ACAT1: variants seen among roughly 807,000 people sequenced by gnomAD.
ACAT1 encodes the protein acetyl-CoA acetyltransferase 1.
ACAT1 carries 28 observed loss-of-function variants against 47.3 expected under a neutral mutation model. That is an observed-to-expected ratio of 0.59 (90% CI 0.44 to 0.81). The LOEUF (loss-of-function observed/expected upper bound fraction) is 0.81. ACAT1 is among the 30% of genes least tolerant of loss of function. ACAT1 has a pLI of 0.00. For missense variants in ACAT1, 469 were observed against 524.3 expected (o/e 0.89, Z 1.03); for synonymous variants, 181 against 173.6 (o/e 1.04, Z -0.34).
chr11:108,129,084 T>C (rs901861830), intron 1 of ACAT1: 2 of 152,182 alleles, frequency 1.3e-5, no homozygotes, highest in African/African-American at 4.8e-5. Context: ...ATCATTCTTA[T>C]GCCTTTGTGT....
intron 1 of ACAT1, chr11:108,129,040 C>G (rs1056153365): frequency 1.3e-5 from 2 of 152,190 alleles, no homozygotes; most frequent in South Asian, 2.1e-4. Context: ...ACCCCCACCC[C>G]CCGCCTTTCC....
chr11:108,138,918 G>C lies in ACAT1; in HGVS notation c.456G>C (p.Gly152=), dbSNP rs2077524676. The C allele has an allele frequency of 6.2e-7, 1 of 1,614,154 alleles. No homozygotes were observed. The highest frequency in any genetic ancestry group is 8.5e-7 in the Non-Finnish European group (1 of 1,180,018). The change falls in exon 6 of 12, where the codon GGG becomes GGC. Residue 152 remains glycine, a synonymous_variant. Coordinates refer to ENST00000265838, the MANE Select transcript of ACAT1 (RefSeq NM_000019.4). ...CGHQDVMVAG[G]MESMSNVPYV... ...CGCAGGATGTGATGGTGGCAGGTGG[G>C]ATGGAGAGCATGTCCAATGTTCCAT... is the stretch of plus-strand genomic sequence containing the variant.
In ACAT1 at chr11:108,147,308, C is replaced by T. The variant is rs764599801; in HGVS notation, c.1202C>T (p.Ala401Val). The T allele has an allele frequency of 3.7e-6, 6 of 1,613,688 alleles. No individual in the cohort carries two copies. The highest frequency in any genetic ancestry group is 1.1e-5 in the South Asian group (1 of 91,078). Residue 401 changes from alanine (A) to valine (V), a missense_variant, in exon 12 of 12, where the codon GCC (alanine) becomes GTC (valine). Transcript: ENST00000265838. ...AGGATTGTTGGTCATTTGACTCATG[C>T]CTTGAAGCAAGGAGAATACGGTCTT... The part of the protein sequence containing the change: ...GARIVGHLTH[A>V]LKQGEYGLAS...
chr11:108,142,872 T>C (rs1260861578), intron 9 of ACAT1: 2 of 282,250 alleles, frequency 7.1e-6, no homozygotes, highest in South Asian at 4.2e-5. Context: ...CTATAAGCTC[T>C]TCATGAAATT....
chr11:108,124,460 AC>A (rs1224979339), intron 1 of ACAT1, among the ~76,000 whole-genome samples: 2 of 151,780 alleles, frequency 1.3e-5, no homozygotes. Flanking sequence ...ACGGGCTTTC[AC>A]CATGTTGGTC....
intron 7 of ACAT1, among the ~76,000 whole-genome samples, chr11:108,141,059 C>T (rs1258715505): frequency 1.3e-5 from 2 of 151,646 alleles, no homozygotes; most frequent in African/African-American, 2.4e-5. Context: ...GACTTGGCCT[C>T]CACACAAAAA....
Position 108,147,405 on chromosome 11 carries a change from T to C in ACAT1, c.*15T>C. 6.2e-7 allele frequency: 1 copy of C among 1,613,126 alleles called. No individual in the cohort carries two copies. The highest frequency in any genetic ancestry group is 8.5e-7 in the Non-Finnish European group (1 of 1,179,572). On this transcript the variant is annotated 3_prime_UTR_variant, in exon 12 of 12. Transcript: ENST00000265838. ...AGAAGCTGTAGACAACCTCTGCTAT[T>C]TAAGGAGACAACCCTATGTGACCAG...
intron 2 of ACAT1, 109 bp downstream of exon 2, chr11:108,132,063 T>A: frequency 1.4e-6 from 1 of 692,226 alleles, no homozygotes; most frequent in Non-Finnish European, 2.6e-6. Context: ...CAGGATTATG[T>A]AACAGTTAGG....
chr11:108,146,302 T>C lies in ACAT1; in HGVS notation c.1106T>C (p.Ile369Thr), dbSNP rs749931948. 1.2e-6 allele frequency: 2 copies of C among 1,614,068 alleles called. No individual in the cohort carries two copies. The highest frequency in any genetic ancestry group is 1.1e-5 in the South Asian group (1 of 91,082). ...CTAGCAAACATTAAAATGTTGGAGATTGATCCCCAAAAAGTGAATATCAAT... is the reference window on the plus strand; with the variant it reads ...CTAGCAAACATTAAAATGTTGGAGACTGATCCCCAAAAAGTGAATATCAAT... ...VVLANIKMLE[I>T]DPQKVNINGG... The change falls in exon 11 of 12, where the codon ATT becomes ACT. Residue 369 changes from isoleucine to threonine, a missense_variant. Ile to Thr is a moderately conservative substitution (Grantham distance 89). Transcript: ENST00000265838.
intron 6 of ACAT1, 26 bp downstream of exon 6, chr11:108,139,067 T>A: frequency 1.2e-6 from 2 of 1,613,106 alleles, no homozygotes; most frequent in South Asian, 2.2e-5. Flanking sequence ...AGTGGATAAA[T>A]GCTATCTAAT....
chr11:108,137,200 AG>A lies in ACAT1; in HGVS notation c.436-1697del, dbSNP rs146190301. ...AAATAAATGGTCAAGGCAGACATGA[AG>A]TAGTGTTCTGATTAGTTTTAAGAGA... On this transcript the variant is annotated intron_variant, in intron 5 of 11. Coordinates refer to ENST00000265838, the MANE Select transcript of ACAT1 (RefSeq NM_000019.4). Among the ~76,000 whole-genome samples, 910 of 152,326 alleles carry A rather than the reference AG, an allele frequency of 6.0e-3. 8 individuals carry two copies. The highest frequency in any genetic ancestry group is 0.019 in the African/African-American group (807 of 41,566).
At chr11:108,135,363 C>T (rs2077449385) in intron 5 of ACAT1, 121 bp downstream of exon 5, 2 of 761,354 alleles carry the variant, frequency 2.6e-6, no homozygotes, top group African/African-American at 1.7e-5. Context: ...AGTATGTTTT[C>T]TCACATGCTC....
intron 1 of ACAT1, among the ~76,000 whole-genome samples, chr11:108,125,052 T>C (rs1168515236): frequency 1.3e-5 from 2 of 152,248 alleles, no homozygotes; most frequent in African/African-American, 4.8e-5. Flanking sequence ...ACTTTCAGAC[T>C]GTCTTCAAAT....
chr11:108,126,209 G>T (rs563789706), intron 1 of ACAT1, among the ~76,000 whole-genome samples: 71 of 152,184 alleles, frequency 4.7e-4, no homozygotes, highest in Non-Finnish European at 8.5e-4. Flanking sequence ...CACCATGTTG[G>T]CCAGGCTGGT....
intron 5 of ACAT1, chr11:108,138,696 C>G (rs1014511149): frequency 3.5e-5 from 22 of 623,292 alleles, no homozygotes; most frequent in Non-Finnish European, 5.9e-5. Context: ...TGCACCCAGC[C>G]AACTTATTTC....
rs547294480 is a variant in ACAT1, at chr11:108,124,303, G to A, written c.72+2625G>A. The stretch of plus-strand genomic sequence containing the variant: ...TTTGAGATCAAGTTTCGCTCTTGTT[G>A]CCCAGGCTGGAGTGCAGTGGCACGA... On this transcript the variant is annotated intron_variant, in intron 1 of 11. Coordinates refer to ENST00000265838, the MANE Select transcript of ACAT1 (RefSeq NM_000019.4). 2.0e-3 allele frequency among the ~76,000 whole-genome samples: 299 copies of A among 152,152 alleles called. 1 individual carries two copies. The highest frequency in any genetic ancestry group is 3.0e-3 in the Non-Finnish European group (202 of 67,996).
intron 1 of ACAT1, among the ~76,000 whole-genome samples, chr11:108,131,470 G>C (rs905597283): frequency 4.7e-5 from 7 of 148,298 alleles, no homozygotes; most frequent in Non-Finnish European, 7.4e-5. Flanking sequence ...TCCTGCCTCA[G>C]CCTCTGAAGT....
chr11:108,137,596 T>C (rs1441527656), intron 5 of ACAT1, among the ~76,000 whole-genome samples: 2 of 152,166 alleles, frequency 1.3e-5, no homozygotes, highest in Non-Finnish European at 2.9e-5. Flanking sequence ...ACTTCTAATC[T>C]TCTAGAGCAC....
chr11:108,145,196 G>GAACT (rs2077679084), intron 10 of ACAT1, among the ~76,000 whole-genome samples: 2 of 152,106 alleles, frequency 1.3e-5, no homozygotes, highest in African/African-American at 4.8e-5. Flanking sequence ...CATAGCTGAG[G>GAACT]AACTACCAAA....
Sources: gnomAD v4.1 joint callset for allele counts (sites outside exome capture counted in the v4.1 genomes callset) on GRCh38, gnomAD v4.1.1 for gene constraint, MANE v1.5 for transcripts, NCBI Gene and HGNC (gene_info 2026-07-23, HGNC 2026-07-21) for gene names.